Variants in TXNRD1 observed in about 807,000 individuals in gnomAD.
The protein encoded by TXNRD1 is thioredoxin reductase 1.
TXNRD1 carries 57 observed loss-of-function variants against 80.3 expected under a neutral mutation model. The ratio of observed to expected loss-of-function variants is 0.71; its 90% CI spans 0.57 to 0.89. TXNRD1 has a LOEUF of 0.89. TXNRD1 is among the 40% of genes least tolerant of loss of function. TXNRD1 has a pLI of 0.00. For missense variants in TXNRD1, 730 were observed against 803.0 expected (o/e 0.91, Z 1.10); for synonymous variants, 291 against 285.2 (o/e 1.02, Z -0.20).
intron 4 of TXNRD1, chr12:104,309,688 A>G (rs1213631069): frequency 8.6e-7 from 1 of 1,165,494 alleles, no homozygotes. Context: ...AGGGAGTCAC[A>G]CTAGTTACTT....
chr12:104,338,986 G>T (rs930403969), intron 15 of TXNRD1, among the ~76,000 whole-genome samples, 153 bp from the exon 16 acceptor site: 1 of 152,170 alleles, frequency 6.6e-6, no homozygotes, highest in Non-Finnish European at 1.5e-5. Flanking sequence ...AAAGTGCTGG[G>T]ATTACAGGCG....
chr12:104,239,341 G>A (rs2032809581), intron 1 of TXNRD1, among the ~76,000 whole-genome samples: 1 of 151,986 alleles, frequency 6.6e-6, no homozygotes, highest in East Asian at 1.9e-4. Context: ...TTACAGGCGT[G>A]TGCCACTACA....
chr12:104,277,821 C>T (rs2033786826), intron 3 of TXNRD1, among the ~76,000 whole-genome samples: 2 of 151,612 alleles, frequency 1.3e-5, no homozygotes, highest in South Asian at 4.2e-4. Context: ...GAGGTAGGCA[C>T]AGTTGGATTT....
chr12:104,279,512 G>A (rs1214366934), intron 3 of TXNRD1, among the ~76,000 whole-genome samples: 2 of 152,162 alleles, frequency 1.3e-5, no homozygotes, highest in Non-Finnish European at 2.9e-5. Context: ...AGATGAAGGG[G>A]TGGAAGGACC....
rs370350536 is a variant in TXNRD1, at chr12:104,327,618, A to G, written c.1489A>G (p.Ile497Val). 1 of 1,613,674 alleles carries G rather than the reference A, an allele frequency of 6.2e-7. No homozygotes were observed. Among genetic ancestry groups the G allele is most frequent in the East Asian group, 2.2e-5 (1 of 44,884 alleles). ...TAAGGTGGAGCTCACCCCAGTTGCA[A>G]TCCAGGCAGGAAGATTGCTGGCTCA... Reference protein sequence around the residue: ...EDKVELTPVAIQAGRLLAQRL... With the variant: ...EDKVELTPVAVQAGRLLAQRL... Residue 497 changes from isoleucine (I) to valine (V), a missense_variant, in exon 13 of 17, where the codon ATC becomes GTC. By Grantham distance (29) the Ile-to-Val change is conservative. Transcript: ENST00000525566.
rs754123992 is a variant in TXNRD1 at position 104,296,977 on chromosome 12, C to T, written c.414+7937C>T. Among the ~76,000 whole-genome samples the T allele has an allele frequency of 6.3e-4, 96 of 152,274 alleles. 1 individual carries two copies. Among genetic ancestry groups the T allele is most frequent in the Admixed American group, 5.4e-3 (83 of 15,298 alleles). Reference sequence around the variant, plus strand: ...TAGGCACTATCTTTGTAATCTCTAACGCAAGTCTGTAGAGCAATGTACTTA... The same window carrying T: ...TAGGCACTATCTTTGTAATCTCTAATGCAAGTCTGTAGAGCAATGTACTTA... On this transcript the variant is annotated intron_variant, in intron 4 of 16. Transcript: ENST00000525566.
At chr12:104,241,590 A>G (rs2032867817) in intron 1 of TXNRD1, among the ~76,000 whole-genome samples, 1 of 150,746 alleles carries the variant, frequency 6.6e-6, no homozygotes, top group South Asian at 2.1e-4. Flanking sequence ...CTGGTCTCGA[A>G]CTCCTGACCT....
At chr12:104,241,824 A>G (rs1364965841) in intron 1 of TXNRD1, among the ~76,000 whole-genome samples, 3 of 152,148 alleles carry the variant, frequency 2.0e-5, no homozygotes, top group African/African-American at 7.2e-5. Flanking sequence ...GGCGTGAGCC[A>G]CCATGCTCAG....
chr12:104,287,985 GT>G (rs556278213), intron 3 of TXNRD1, among the ~76,000 whole-genome samples: 59 of 151,862 alleles, frequency 3.9e-4, no homozygotes, highest in Non-Finnish European at 7.7e-4. Context: ...TTTTTTGTTG[GT>G]TTTTTTTGTT....
In TXNRD1 at chr12:104,279,052, G is replaced by T. The variant is rs552380787; in HGVS notation, c.305-9879G>T. Among the ~76,000 whole-genome samples, 10 of 152,310 alleles carry T rather than the reference G, an allele frequency of 6.6e-5. No homozygotes were observed. In the South Asian group the frequency reaches 1.9e-3, roughly 28 times the overall value. On this transcript the variant is annotated intron_variant, in intron 3 of 16. Transcript: ENST00000525566. ...AACTAATCCTGGTCCCTGCTCACAT[G>T]TGGCTATGTACATCTATATTAATTA...
chr12:104,243,780 C>T (rs926502398), intron 1 of TXNRD1, among the ~76,000 whole-genome samples: 7 of 152,198 alleles, frequency 4.6e-5, no homozygotes, highest in South Asian at 2.1e-4. Flanking sequence ...TTGAAGTGAT[C>T]GTGTTGCTCA....
chr12:104,289,126 G>A, intron 4 of TXNRD1, 86 bp downstream of exon 4: 1 of 1,487,896 alleles, frequency 6.7e-7, no homozygotes, highest in South Asian at 1.3e-5. Flanking sequence ...AAGCCAGCGT[G>A]GATGTGACCC....
chr12:104,343,859 T>C (rs1593886722), intron 16 of TXNRD1, among the ~76,000 whole-genome samples: 1 of 150,798 alleles, frequency 6.6e-6, no homozygotes, highest in Non-Finnish European at 1.5e-5. Context: ...ATCCCAGCAC[T>C]TTAGGAGGCC....
At chr12:104,268,865 C>T (rs1420942336) in intron 3 of TXNRD1, among the ~76,000 whole-genome samples, 3 of 151,738 alleles carry the variant, frequency 2.0e-5, no homozygotes, top group Non-Finnish European at 4.4e-5. Flanking sequence ...CAAACCCTGC[C>T]ACTGCTTATC....
intron 16 of TXNRD1, chr12:104,339,520 TTTTA>T (rs879629319): frequency 3.7e-5 from 23 of 626,802 alleles, no homozygotes; most frequent in Admixed American, 1.3e-4. Flanking sequence ...GCCTTAAATA[TTTTA>T]TTTATCATAT....
chr12:104,302,847 G>A (rs2034695386), intron 4 of TXNRD1, among the ~76,000 whole-genome samples: 1 of 152,156 alleles, frequency 6.6e-6, no homozygotes, highest in African/African-American at 2.4e-5. Context: ...AAGGAGTCAC[G>A]TCTTTAACTG....
At chr12:104,344,519 CAG>C (rs1324558830) in intron 16 of TXNRD1, among the ~76,000 whole-genome samples, 1 of 152,014 alleles carries the variant, frequency 6.6e-6, no homozygotes, top group African/African-American at 2.4e-5. Flanking sequence ...TTTTGAAACA[CAG>C]AGTTTATAGT....
intron 4 of TXNRD1, 119 bp from the exon 5 acceptor site, chr12:104,311,171 C>A: frequency 1.7e-6 from 2 of 1,154,100 alleles, no homozygotes; most frequent in Non-Finnish European, 2.4e-6. Context: ...TGTAATTAAA[C>A]AGCATCTTCC....
chr12:104,217,630 A>T (rs1047622201), intron 1 of TXNRD1, among the ~76,000 whole-genome samples: 1 of 152,132 alleles, frequency 6.6e-6, no homozygotes, highest in Non-Finnish European at 1.5e-5. Context: ...GTTTTTAAGT[A>T]TACAGTTTTC....
Sources: gnomAD v4.1 joint callset for allele counts (sites outside exome capture counted in the v4.1 genomes callset) on GRCh38, gnomAD v4.1.1 for gene constraint, MANE v1.5 for transcripts, NCBI Gene and HGNC (gene_info 2026-07-23, HGNC 2026-07-21) for gene names.